Variants in LUZP2 observed in about 807,000 individuals in gnomAD.
LUZP2 encodes the protein leucine zipper protein 2.
LUZP2 carries 52 observed loss-of-function variants against 51.6 expected under a neutral mutation model. The ratio of observed to expected loss-of-function variants is 1.01; its 90% CI spans 0.81 to 1.27. The LOEUF (loss-of-function observed/expected upper bound fraction) is 1.27, where lower values mean the gene tolerates loss of function less well. Ranked by LOEUF, LUZP2 falls within the 50% of genes most tolerant of loss-of-function variation. The probability of loss-of-function intolerance (pLI) is 0.00; values close to 1 mark genes in which losing one functional copy is unlikely to be tolerated. For synonymous variants in LUZP2, 154 were observed against 137.3 expected, an observed-to-expected ratio of 1.12 and a Z score of -0.85; for missense variants, 436 against 395.4, an observed-to-expected ratio of 1.10 and a Z score of -0.87.
chr11:24,741,687 A>G (rs1194359718), intron 4 of LUZP2, among the ~76,000 whole-genome samples: 7 of 150,916 alleles, frequency 4.6e-5, no homozygotes, highest in African/African-American at 1.5e-4. Flanking sequence ...TTCCTGAGTT[A>G]CTTCACTTAG....
chr11:24,882,466 A>T (rs1353659525), intron 5 of LUZP2, among the ~76,000 whole-genome samples: 1 of 151,950 alleles, frequency 6.6e-6, no homozygotes, highest in Admixed American at 6.6e-5. Context: ...CCCAAACCAT[A>T]GTTTACATTA....
intron 6 of LUZP2, among the ~76,000 whole-genome samples, chr11:24,909,335 T>C (rs1268242554): frequency 6.6e-6 from 1 of 151,908 alleles, no homozygotes; most frequent in African/African-American, 2.4e-5. Flanking sequence ...TTAATTATGT[T>C]TTAAAAATGA....
intron 9 of LUZP2, among the ~76,000 whole-genome samples, chr11:25,011,770 T>C (rs1282267014): frequency 1.3e-5 from 2 of 152,100 alleles, no homozygotes; most frequent in African/African-American, 4.8e-5. Flanking sequence ...ACATAGATTG[T>C]GTAATGATCA....
chr11:24,567,452 AC>A (rs1252110911), intron 1 of LUZP2, among the ~76,000 whole-genome samples: 3 of 152,100 alleles, frequency 2.0e-5, no homozygotes, highest in Non-Finnish European at 4.4e-5. Context: ...ATGTGATGTA[AC>A]CATTAGTATA....
chr11:24,546,704 G>T (rs778812323), intron 1 of LUZP2, among the ~76,000 whole-genome samples: 1 of 152,010 alleles, frequency 6.6e-6, no homozygotes, highest in Non-Finnish European at 1.5e-5. Context: ...TTGCATCAAT[G>T]TTCATCAAAG....
At chr11:24,524,744 C>A (rs999162215) in intron 1 of LUZP2, among the ~76,000 whole-genome samples, 1 of 151,556 alleles carries the variant, frequency 6.6e-6, no homozygotes, top group Non-Finnish European at 1.5e-5. Context: ...GACACTGAGG[C>A]ATATTTGAAT....
chr11:24,877,268 G>A (rs1488306562), intron 5 of LUZP2, among the ~76,000 whole-genome samples: 2 of 151,974 alleles, frequency 1.3e-5, no homozygotes, highest in Non-Finnish European at 2.9e-5. Context: ...AAACAGTCTT[G>A]TATTTATTTG....
intron 1 of LUZP2, among the ~76,000 whole-genome samples, chr11:24,721,387 A>G (rs1278391859): frequency 1.3e-5 from 2 of 152,228 alleles, no homozygotes; most frequent in Non-Finnish European, 2.9e-5. Flanking sequence ...AATAGGAAAT[A>G]CCATATTTGG....
At chr11:24,687,101 G>A (rs1361897516) in intron 1 of LUZP2, among the ~76,000 whole-genome samples, 1 of 152,032 alleles carries the variant, frequency 6.6e-6, no homozygotes, top group East Asian at 1.9e-4. Context: ...GCTAAATTTG[G>A]TCTGTTTTAA....
At chr11:24,752,773 A>T (rs1859640219) in intron 4 of LUZP2, among the ~76,000 whole-genome samples, 1 of 152,178 alleles carries the variant, frequency 6.6e-6, no homozygotes, top group African/African-American at 2.4e-5. Flanking sequence ...GGAAAGGAAA[A>T]AAGGCAAAAA....
intron 1 of LUZP2, among the ~76,000 whole-genome samples, chr11:24,587,995 G>T (rs954963813): frequency 6.6e-6 from 1 of 151,988 alleles, no homozygotes; most frequent in Non-Finnish European, 1.5e-5. Context: ...ATTAGTTCAA[G>T]GTCTGATATG....
chr11:24,756,653 C>A (rs1401446151), intron 4 of LUZP2, among the ~76,000 whole-genome samples: 1 of 152,162 alleles, frequency 6.6e-6, no homozygotes, highest in African/African-American at 2.4e-5. Context: ...CCATGTTTTT[C>A]TTCTGCTCCC....
intron 9 of LUZP2, among the ~76,000 whole-genome samples, chr11:25,047,610 G>C (rs1452293645): frequency 5.7e-5 from 6 of 105,354 alleles, no homozygotes; most frequent in Non-Finnish European, 1.3e-4. Context: ...CCCTTGTTCA[G>C]AACATACAAT....
intron 10 of LUZP2, among the ~76,000 whole-genome samples, chr11:25,058,100 C>T (rs181475528): frequency 6.6e-6 from 1 of 151,910 alleles, no homozygotes; most frequent in South Asian, 2.1e-4. Context: ...GGGCTACATT[C>T]CATCAGAACA....
intron 9 of LUZP2, among the ~76,000 whole-genome samples, chr11:25,046,313 C>T (rs903119547): frequency 6.6e-6 from 1 of 151,524 alleles, no homozygotes; most frequent in Non-Finnish European, 1.5e-5. Context: ...CTTTGAGATA[C>T]AGATCTGTTT....
At chr11:25,010,497 A>C (rs1239757294) in intron 9 of LUZP2, among the ~76,000 whole-genome samples, 2 of 152,126 alleles carry the variant, frequency 1.3e-5, no homozygotes, top group Non-Finnish European at 2.9e-5. Context: ...ACAGTGAGCC[A>C]AGATCACACC....
intron 5 of LUZP2, among the ~76,000 whole-genome samples, chr11:24,792,822 T>C (rs2134098480): frequency 6.6e-6 from 1 of 152,300 alleles, no homozygotes; most frequent in African/African-American, 2.4e-5. Flanking sequence ...TGCATGAACT[T>C]GGTGTCAGGA....
intron 2 of LUZP2, 48 bp downstream of exon 2, chr11:24,729,334 T>C: frequency 1.0e-6 from 1 of 991,798 alleles, no homozygotes; most frequent in Non-Finnish European, 1.5e-6. Context: ...AGCAGTCATC[T>C]GATTTTCTGA....
chr11:25,032,120 C>G (rs924714069), intron 9 of LUZP2, among the ~76,000 whole-genome samples: 29 of 152,146 alleles, frequency 1.9e-4, no homozygotes, highest in Admixed American at 1.8e-3. Flanking sequence ...TGACTAGGCT[C>G]TAACAGCTGG....
Sources: gnomAD v4.1 joint callset for allele counts (sites outside exome capture counted in the v4.1 genomes callset) on GRCh38, gnomAD v4.1.1 for gene constraint, MANE v1.5 for transcripts, NCBI Gene and HGNC (gene_info 2026-07-23, HGNC 2026-07-21) for gene names.